The following PHC3 variants were observed in gnomAD, a reference collection of about 807,000 sequenced individuals.
PHC3 encodes the protein polyhomeotic homolog 3, also known as polyhomeotic-like protein 3.
PHC3 carries 13 observed loss-of-function variants against 107.4 expected under a neutral mutation model. The ratio of observed to expected loss-of-function variants is 0.12; its 90% CI spans 0.08 to 0.19. The LOEUF (loss-of-function observed/expected upper bound fraction) is 0.19. Ranked by LOEUF, PHC3 falls within the 10% of genes least tolerant of loss-of-function variation. PHC3 has a pLI of 1.00. For synonymous variants in PHC3, 456 were observed against 427.4 expected (o/e 1.07, Z -0.83); for missense variants, 992 against 1,210.9 (o/e 0.82, Z 2.68).
chr3:170,146,529 CTTTTTCT>C (rs1269010602), intron 5 of PHC3, among the ~76,000 whole-genome samples: 4 of 138,948 alleles, frequency 2.9e-5, no homozygotes, highest in South Asian at 2.2e-4. Flanking sequence ...TTTTCCTTTT[CTTTTTCT>C]TTTTTTTTTT....
chr3:170,178,660 T>C, intron 2 of PHC3, 113 bp downstream of exon 2: 1 of 1,161,952 alleles, frequency 8.6e-7, no homozygotes, highest in Non-Finnish European at 1.3e-6. Flanking sequence ...GATTGAAACA[T>C]TAGTAATTCT....
In PHC3 at chr3:170,102,603, TTC is replaced by T; in HGVS notation, c.2707_2708del (p.Glu903ThrfsTer2). ...RLRRQSERER[E>X]RELRDVRIRK... is the part of the protein sequence containing the mutation. ...GAATTCTCACATCCCGAAGCTCACG[TTC>T]TCTTTCCCGCTCGCTCTGCCTGCGC... is the stretch of plus-strand genomic sequence containing the variant. On this transcript the variant is annotated frameshift_variant, in exon 14 of 15. Transcript: ENST00000495893. LOFTEE classifies it high-confidence loss of function. 6.2e-7 allele frequency: 1 copy of T among 1,613,988 alleles called. No homozygotes were observed. Among genetic ancestry groups the T allele is most frequent in the Non-Finnish European group, 8.5e-7 (1 of 1,179,864 alleles).
intron 14 of PHC3, among the ~76,000 whole-genome samples, chr3:170,099,334 T>C (rs544517880): frequency 6.6e-6 from 1 of 152,130 alleles, no homozygotes; most frequent in Non-Finnish European, 1.5e-5. Context: ...ACAACTTTCT[T>C]AAGCTAACCA....
chr3:170,171,502 CT>C lies in PHC3; in HGVS notation c.337-53del, dbSNP rs1490219940. The C allele has an allele frequency of 1.9e-5, 24 of 1,277,176 alleles. No homozygotes were observed. The Admixed American group carries it at 4.4e-4, about 24-fold the overall frequency. The allele number at this position is 1,277,176 out of a possible 1,614,324, so 79.1% of individuals were successfully genotyped here. Reference sequence around the variant, plus strand: ...GTCGGTAAAAACCTGAAGTTAAGAACTTTCTGGTACCATGATAACACAAAAC... The same window carrying C: ...GTCGGTAAAAACCTGAAGTTAAGAACTTCTGGTACCATGATAACACAAAAC... On this transcript the variant is annotated intron_variant, in intron 3 of 14. Coordinates refer to ENST00000495893, the MANE Select transcript of PHC3 (RefSeq NM_024947.4).
intron 4 of PHC3, chr3:170,150,674 C>G (rs1048496139): frequency 7.8e-6 from 3 of 382,672 alleles, no homozygotes; most frequent in Non-Finnish European, 1.5e-5. Context: ...GATTGCGCCA[C>G]TGCACTCCAG....
chr3:170,126,419 A>T (rs889212465), intron 8 of PHC3, among the ~76,000 whole-genome samples: 4 of 150,842 alleles, frequency 2.7e-5, no homozygotes, highest in African/African-American at 9.7e-5. Flanking sequence ...ATCATTTTTT[A>T]AACTTCCAAA....
At chr3:170,145,560 A>T in intron 5 of PHC3, 39 bp from the exon 6 acceptor site, 1 of 1,444,124 alleles carries the variant, frequency 6.9e-7, no homozygotes, top group Non-Finnish European at 9.7e-7. Flanking sequence ...CCTAAGACAA[A>T]AGAACATGTC....
At chr3:170,174,128 G>A (rs1422171115) in intron 2 of PHC3, among the ~76,000 whole-genome samples, 1 of 152,058 alleles carries the variant, frequency 6.6e-6, no homozygotes, top group Non-Finnish European at 1.5e-5. Flanking sequence ...AGGAGGTGGA[G>A]GCTGCAGTGA....
chr3:170,126,777 G>A (rs1034359424), intron 8 of PHC3, among the ~76,000 whole-genome samples: 8 of 151,732 alleles, frequency 5.3e-5, no homozygotes, highest in Non-Finnish European at 8.8e-5. Flanking sequence ...CTGACCTCAG[G>A]TGATCCACCT....
intron 9 of PHC3, among the ~76,000 whole-genome samples, chr3:170,120,207 G>C (rs1266055474): frequency 6.6e-6 from 1 of 151,968 alleles, no homozygotes; most frequent in African/African-American, 2.4e-5. Context: ...TTAATCCGCA[G>C]CAACATAAAT....
chr3:170,140,238 G>C (rs1723817807), intron 6 of PHC3, among the ~76,000 whole-genome samples: 1 of 149,940 alleles, frequency 6.7e-6, no homozygotes, highest in Non-Finnish European at 1.5e-5. Flanking sequence ...ACAGCCCTTT[G>C]GATTTACTGG....
At chr3:170,115,616 GT>G (rs1205529498) in intron 10 of PHC3, among the ~76,000 whole-genome samples, 1 of 152,160 alleles carries the variant, frequency 6.6e-6, no homozygotes, top group African/African-American at 2.4e-5. Context: ...GAAAATAAAA[GT>G]TATGGCTCTC....
intron 2 of PHC3, among the ~76,000 whole-genome samples, chr3:170,176,652 T>C (rs1015001472): frequency 2.6e-5 from 4 of 152,230 alleles, no homozygotes; most frequent in African/African-American, 9.6e-5. Flanking sequence ...GAGATAATAA[T>C]AATAGCTACT....
At position 170,150,749 on chromosome 3, in the gene PHC3, C is replaced by T. The variant is rs953074344; in HGVS notation, c.415-1505G>A. On this transcript the variant is annotated intron_variant, in intron 4 of 14. Transcript: ENST00000495893. ...GAAAAAAAGAAAAAAACCCAATAAA[C>T]TAGTGCATTGTTAACCTCTAGAAGG... The T allele has an allele frequency of 3.3e-5, 14 of 419,982 alleles. No homozygotes were observed. The Admixed American group carries it at 3.7e-4, about 11-fold the overall frequency. The allele number at this position is 419,982 out of a possible 1,614,324, so 26.0% of individuals were successfully genotyped here. A position where few individuals can be genotyped will look rare whatever the true frequency, so the allele number is the denominator to read the frequency against.
rs59932786 is a variant in PHC3, at chr3:170,111,313, G to T, written c.2353+2047C>A. On this transcript the variant is annotated intron_variant, in intron 11 of 14. Transcript: ENST00000495893. ...AGGAAGGAAGGAAGGAAGGAAGGAA[G>T]GAAGGAACGAACGAACGAAAGAACA... Among the ~76,000 whole-genome samples, 19 of 110,942 alleles carry T rather than the reference G, an allele frequency of 1.7e-4. No homozygotes were observed. The East Asian group carries it at 3.6e-3, about 21-fold the overall frequency. 72.8% of individuals were successfully genotyped at this position (110,942 alleles called of 152,430 possible).
intron 1 of PHC3, 102 bp from the exon 2 acceptor site, chr3:170,179,040 A>T: frequency 8.9e-7 from 1 of 1,120,152 alleles, no homozygotes; most frequent in South Asian, 1.5e-5. Context: ...CTAAACTGCT[A>T]GGAAGGCTCT....
chr3:170,156,402 G>A (rs1290847339), intron 4 of PHC3, among the ~76,000 whole-genome samples: 2 of 148,206 alleles, frequency 1.3e-5, no homozygotes, highest in African/African-American at 2.5e-5. Flanking sequence ...GACCACAAGC[G>A]CCCACTACCA....
intron 7 of PHC3, among the ~76,000 whole-genome samples, chr3:170,132,271 C>A (rs141934383): frequency 3.9e-5 from 6 of 152,258 alleles, no homozygotes; most frequent in African/African-American, 1.4e-4. Flanking sequence ...GGGTACTATA[C>A]CAATCCAACA....
intron 7 of PHC3, among the ~76,000 whole-genome samples, chr3:170,132,082 GA>G (rs146321216): frequency 2.0e-5 from 3 of 151,706 alleles, no homozygotes; most frequent in Non-Finnish European, 4.4e-5. Flanking sequence ...AGTGCTCTGG[GA>G]AAAAAAATCC....
Sources: allele counts gnomAD v4.1 joint callset (sites outside exome capture counted in the v4.1 genomes callset), GRCh38; gene constraint gnomAD v4.1.1; transcripts MANE v1.5; gene names NCBI Gene and HGNC (gene_info 2026-07-23, HGNC 2026-07-21).